The following SPON1 variants were observed in gnomAD, a reference collection of about 807,000 sequenced individuals.
SPON1 encodes spondin-1.
SPON1 carries 52 observed loss-of-function variants against 111.7 expected under a neutral mutation model. The ratio of observed to expected loss-of-function variants is 0.47; its 90% CI spans 0.37 to 0.59. The LOEUF (loss-of-function observed/expected upper bound fraction) is 0.59. SPON1 is among the 20% of genes least tolerant of loss of function. The probability of loss-of-function intolerance (pLI) is 0.00; values close to 1 mark genes in which losing one functional copy is unlikely to be tolerated. For missense variants in SPON1, 957 were observed against 1,068.5 expected (o/e 0.90, Z 1.46); for synonymous variants, 410 against 395.8 (o/e 1.04, Z -0.43).
At chr11:14,088,218 C>T (rs1389913031) in intron 5 of SPON1, among the ~76,000 whole-genome samples, 2 of 152,196 alleles carry the variant, frequency 1.3e-5, no homozygotes, top group Non-Finnish European at 1.5e-5. Context: ...GCAGTTTCTT[C>T]ATAGTGTCAT....
intron 6 of SPON1, among the ~76,000 whole-genome samples, chr11:14,197,664 A>AAT (rs1554935233): frequency 6.6e-6 from 1 of 151,186 alleles, no homozygotes; most frequent in Admixed American, 6.6e-5. Context: ...AAAAAAAAAA[A>AAT]AATTAGCTGG....
At chr11:14,182,756 A>C (rs530160413) in intron 6 of SPON1, among the ~76,000 whole-genome samples, 1 of 152,198 alleles carries the variant, frequency 6.6e-6, no homozygotes, top group African/African-American at 2.4e-5. Flanking sequence ...CATATAGACT[A>C]TCAGTGACCC....
intron 3 of SPON1, among the ~76,000 whole-genome samples, chr11:14,046,674 G>C (rs1385718130): frequency 6.6e-6 from 1 of 152,144 alleles, no homozygotes. Flanking sequence ...TAGTCTTCTA[G>C]TTCAAACTGT....
At chr11:14,206,036 C>T (rs1462419193) in intron 6 of SPON1, among the ~76,000 whole-genome samples, 1 of 152,080 alleles carries the variant, frequency 6.6e-6, no homozygotes, top group Admixed American at 6.5e-5. Context: ...AAACCGTTTT[C>T]ATTTTTATGA....
chr11:14,075,228 A>G, intron 3 of SPON1, 117 bp from the exon 4 acceptor site: 1 of 694,190 alleles, frequency 1.4e-6, no homozygotes, highest in Non-Finnish European at 2.6e-6. Context: ...GAAGACAGAG[A>G]GAGTTGGGGT....
At chr11:14,198,735 C>T (rs1418622676) in intron 6 of SPON1, among the ~76,000 whole-genome samples, 2 of 152,156 alleles carry the variant, frequency 1.3e-5, no homozygotes, top group African/African-American at 2.4e-5. Flanking sequence ...TCTCAAGTCT[C>T]CCATTTGAAA....
chr11:14,137,516 T>C (rs1847606703), intron 6 of SPON1, among the ~76,000 whole-genome samples: 1 of 152,086 alleles, frequency 6.6e-6, no homozygotes, highest in Non-Finnish European at 1.5e-5. Context: ...CCCCCTCACA[T>C]CTAGGCTGAG....
chr11:14,120,152 A>G (rs2133853356), intron 5 of SPON1, among the ~76,000 whole-genome samples: 1 of 152,200 alleles, frequency 6.6e-6, no homozygotes, highest in South Asian at 2.1e-4. Flanking sequence ...TAATTTGCTA[A>G]TCTGTAACAT....
intron 6 of SPON1, among the ~76,000 whole-genome samples, chr11:14,240,588 A>AG (rs1554939559): frequency 1.7e-4 from 15 of 88,868 alleles, no homozygotes; most frequent in South Asian, 4.2e-4. Flanking sequence ...AAGAAGCAAT[A>AG]TTGTGTGTGT....
chr11:14,237,532 C>G (rs1848881705), intron 6 of SPON1, among the ~76,000 whole-genome samples: 1 of 152,230 alleles, frequency 6.6e-6, no homozygotes, highest in Non-Finnish European at 1.5e-5. Flanking sequence ...AGCAAATGAC[C>G]TGACTCCTCT....
chr11:14,160,721 ATATATTTATATATATTTAATT>A (rs1847920771), intron 6 of SPON1, among the ~76,000 whole-genome samples: 1 of 11,082 alleles, frequency 9.0e-5, no homozygotes, highest in African/African-American at 6.7e-4. Context: ...ATATATATTT[ATATATTTATATATATTTAATT>A]TATATATATT....
At chr11:14,180,166 A>G (rs1410224228) in intron 6 of SPON1, among the ~76,000 whole-genome samples, 2 of 152,172 alleles carry the variant, frequency 1.3e-5, no homozygotes, top group Non-Finnish European at 2.9e-5. Flanking sequence ...GAGACTTTTC[A>G]GTTTTAAAAT....
intron 5 of SPON1, among the ~76,000 whole-genome samples, chr11:14,112,474 G>T (rs1849233736): frequency 1.3e-5 from 2 of 152,220 alleles, no homozygotes; most frequent in South Asian, 4.1e-4. Flanking sequence ...ACTCCTCTGT[G>T]CCTTGGTTTT....
At chr11:14,085,407 C>A (rs1318860834) in intron 5 of SPON1, among the ~76,000 whole-genome samples, 5 of 152,112 alleles carry the variant, frequency 3.3e-5, no homozygotes, top group Non-Finnish European at 7.4e-5. Flanking sequence ...ATAGAGAATC[C>A]TTTCCCCACT....
rs142008727 is a variant in SPON1 at position 14,119,630 on chromosome 11, T to C, written c.677-15790T>C. 4.9e-4 allele frequency among the ~76,000 whole-genome samples: 74 copies of C among 152,052 alleles called. 1 individual carries two copies. The highest frequency in any genetic ancestry group is 1.8e-3 in the African/African-American group (74 of 41,446). On this transcript the variant is annotated intron_variant, in intron 5 of 15. Coordinates refer to ENST00000576479, the MANE Select transcript of SPON1 (RefSeq NM_006108.4). ...GCTGAAATTGGAGGTGGATGGAGAG[T>C]CTGTGATACAGGGCACCAAATGTAG...
At chr11:14,081,788 C>A (rs1554922080) in intron 5 of SPON1, among the ~76,000 whole-genome samples, 5 of 152,132 alleles carry the variant, frequency 3.3e-5, no homozygotes, top group Non-Finnish European at 5.9e-5. Flanking sequence ...TAAGAAGACT[C>A]AGACCAGATC....
intron 3 of SPON1, among the ~76,000 whole-genome samples, chr11:14,046,357 TCA>T (rs1848668437): frequency 6.6e-6 from 1 of 152,194 alleles, no homozygotes; most frequent in African/African-American, 2.4e-5. Flanking sequence ...CGGAGTATTC[TCA>T]GTCTTTAACT....
chr11:14,062,599 T>C (rs1020020702), intron 3 of SPON1, among the ~76,000 whole-genome samples: 1 of 152,196 alleles, frequency 6.6e-6, no homozygotes, highest in Non-Finnish European at 1.5e-5. Flanking sequence ...CAAGACCATG[T>C]CAGCCCAGAG....
At chr11:14,134,410 C>G (rs1847566755) in intron 5 of SPON1, among the ~76,000 whole-genome samples, 1 of 152,174 alleles carries the variant, frequency 6.6e-6, no homozygotes, top group African/African-American at 2.4e-5. Context: ...CTGTCTTGCT[C>G]CAGCCCAGAT....
Sources: allele counts gnomAD v4.1 joint callset (sites outside exome capture counted in the v4.1 genomes callset), GRCh38; gene constraint gnomAD v4.1.1; transcripts MANE v1.5; gene names NCBI Gene and HGNC (gene_info 2026-07-23, HGNC 2026-07-21).